HBB: variants seen among roughly 807,000 people sequenced by gnomAD.
The protein encoded by HBB is Hb Monza protein.
Under a neutral mutation model 9.7 loss-of-function variants are expected in HBB, and 18 were observed. That is an observed-to-expected ratio of 1.86 (90% CI 1.28 to 2.76). The LOEUF (loss-of-function observed/expected upper bound fraction) is 2.76, where lower values mean the gene tolerates loss of function less well. HBB is among the 30% of genes most tolerant of loss of function. The pLI is 0.00. For synonymous variants in HBB, 99 were observed against 73.6 expected (o/e 1.35, Z -1.77); for missense variants, 156 against 177.0 (o/e 0.88, Z 0.67).
chr11:5,227,023 G>A lies in HBB; in HGVS notation c.-2C>T. On this transcript the variant is annotated 5_prime_UTR_variant, in exon 1 of 3. Coordinates refer to ENST00000335295, the MANE Select transcript of HBB (RefSeq NM_000518.5). ...CTCCTCAGGAGTCAGATGCACCATGGTGTCTGTTTGAGGTTGCTAGTGAAC... is the reference window on the plus strand; with the variant it reads ...CTCCTCAGGAGTCAGATGCACCATGATGTCTGTTTGAGGTTGCTAGTGAAC... 4 of 1,587,988 alleles carry A rather than the reference G, an allele frequency of 2.5e-6. No homozygotes were observed. Among genetic ancestry groups the A allele is most frequent in the Admixed American group, 1.7e-5 (1 of 60,024 alleles).
In HBB at chr11:5,225,868, T is replaced by C. The variant is rs1461634734; in HGVS notation, c.316-142A>G. ...GCTGCTATTAGCAATATGAAACCTC[T>C]TACATCAGTTACAATTTATATGCAG... On this transcript the variant is annotated intron_variant, in intron 2 of 2. Transcript: ENST00000335295. 9.3e-6 allele frequency: 7 copies of C among 754,590 alleles called. No individual in the cohort carries two copies. Among genetic ancestry groups the C allele is most frequent in the Non-Finnish European group, 1.6e-5 (7 of 439,254 alleles). The allele number at this position is 754,590 out of a possible 1,614,324, so 46.7% of individuals were successfully genotyped here. A position where few individuals can be genotyped will look rare whatever the true frequency, so the allele number is the denominator to read the frequency against.
Position 5,226,378 on chromosome 11 carries a change from CA to C in HBB, c.315+198del, listed in dbSNP as rs1589892087. ...TTGCGGAGAAGAAAAAAAAAGAAAG[CA>C]AGAATTAAACAAAAGAAAACAATTG... On this transcript the variant is annotated intron_variant, in intron 2 of 2. Coordinates refer to ENST00000335295, the MANE Select transcript of HBB (RefSeq NM_000518.5). 1.6e-6 allele frequency: 1 copy of C among 619,072 alleles called. No individual in the cohort carries two copies. The highest frequency in any genetic ancestry group is 2.8e-6 in the Non-Finnish European group (1 of 355,134). The allele number at this position is 619,072 out of a possible 1,614,324, so 38.3% of individuals were successfully genotyped here. A position where few individuals can be genotyped will look rare whatever the true frequency, so the allele number is the denominator to read the frequency against.
chr11:5,226,385 T>C (rs1475015537), intron 2 of HBB, 192 bp downstream of exon 2: 1 of 630,954 alleles, frequency 1.6e-6, no homozygotes, highest in Non-Finnish European at 2.8e-6. Flanking sequence ...AAGCAAGAAT[T>C]AAACAAAAGA....
chr11:5,226,040 CA>C lies in HBB; in HGVS notation c.316-315del, dbSNP rs1337114930. Among the ~76,000 whole-genome samples the C allele has an allele frequency of 6.6e-6, 1 of 151,648 alleles. No homozygotes were observed. Among genetic ancestry groups the C allele is most frequent in the African/African-American group, 2.4e-5 (1 of 41,302 alleles). On this transcript the variant is annotated intron_variant, in intron 2 of 2. Coordinates refer to ENST00000335295, the MANE Select transcript of HBB (RefSeq NM_000518.5). ...GGGAAAGTATTAGAAATAAGATAAA[CA>C]AAAAAGTATATTAAAAGAAGAAAGC...
chr11:5,225,751 G>C lies in HBB; in HGVS notation c.316-25C>G, dbSNP rs745321944. On this transcript the variant is annotated intron_variant, in intron 2 of 2. Coordinates refer to ENST00000335295, the MANE Select transcript of HBB (RefSeq NM_000518.5). ...GCTGTGGGAGGAAGATAAGAGGTAT[G>C]AACATGATTAGCAAAAGGGCCTAGC... The C allele has an allele frequency of 1.2e-5, 20 of 1,613,270 alleles. No individual in the cohort carries two copies. Among genetic ancestry groups the C allele is most frequent in the Non-Finnish European group, 1.7e-5 (20 of 1,179,334 alleles).
At position 5,226,363 on chromosome 11, in the gene HBB, GA is replaced by G. The variant is rs879578966; in HGVS notation, c.315+213del. On this transcript the variant is annotated intron_variant, in intron 2 of 2. Transcript: ENST00000335295. ...GTATAATAGTAAAAATTGCGGAGAAGAAAAAAAAAGAAAGCAAGAATTAAAC... is the reference window on the plus strand; with the variant it reads ...GTATAATAGTAAAAATTGCGGAGAAGAAAAAAAAGAAAGCAAGAATTAAAC... 45 of 598,466 alleles carry G rather than the reference GA, an allele frequency of 7.5e-5. No homozygotes were observed. The highest frequency in any genetic ancestry group is 1.7e-4 in the African/African-American group (9 of 52,336). 37.1% of individuals were successfully genotyped at this position (598,466 alleles called of 1,614,324 possible).
intron 2 of HBB, 99 bp downstream of exon 2, chr11:5,226,478 C>T: frequency 9.2e-7 from 1 of 1,083,628 alleles, no homozygotes; most frequent in South Asian, 1.3e-5. Context: ...GTCTGTTTCC[C>T]ATTCTAAACT....
At position 5,226,488 on chromosome 11, in the gene HBB, T is replaced by A. The variant is rs996887983; in HGVS notation, c.315+89A>T. Reference sequence around the variant, plus strand: ...CATTCGTCTGTTTCCCATTCTAAACTGTACCCTGTTACTTATCCCCTTCCT... The same window carrying A: ...CATTCGTCTGTTTCCCATTCTAAACAGTACCCTGTTACTTATCCCCTTCCT... On this transcript the variant is annotated intron_variant, in intron 2 of 2. Transcript: ENST00000335295. 10 of 1,191,772 alleles carry A rather than the reference T, an allele frequency of 8.4e-6. No homozygotes were observed. The South Asian group carries it at 1.1e-4, about 13-fold the overall frequency. The allele number at this position is 1,191,772 out of a possible 1,614,324, so 73.8% of individuals were successfully genotyped here. A position where few individuals can be genotyped will look rare whatever the true frequency, so the allele number is the denominator to read the frequency against.
intron 2 of HBB, 190 bp downstream of exon 2, chr11:5,226,387 A>G: frequency 1.6e-6 from 1 of 634,158 alleles, no homozygotes; most frequent in Non-Finnish European, 2.7e-6. Context: ...GCAAGAATTA[A>G]ACAAAAGAAA....
At position 5,226,389 on chromosome 11, in the gene HBB, CAAAAG is replaced by C. The variant is rs1200964989; in HGVS notation, c.315+183_315+187del. ...AAAAAAAAAGAAAGCAAGAATTAAA[CAAAAG>C]AAAACAATTGTTATGAACAGCAAAT... is the stretch of plus-strand genomic sequence containing the variant. On this transcript the variant is annotated intron_variant, in intron 2 of 2. Transcript: ENST00000335295. The C allele has an allele frequency of 7.9e-6, 5 of 632,228 alleles. No homozygotes were observed. In the Admixed American group the frequency reaches 8.8e-5, roughly 11 times the overall value. The allele number at this position is 632,228 out of a possible 1,614,324, so 39.2% of individuals were successfully genotyped here. A position where few individuals can be genotyped will look rare whatever the true frequency, so the allele number is the denominator to read the frequency against.
Position 5,225,593 on chromosome 11 carries a change from C to A in HBB, c.*5G>T. 6.2e-7 allele frequency: 1 copy of A among 1,613,992 alleles called. No homozygotes were observed. Among genetic ancestry groups the A allele is most frequent in the Non-Finnish European group, 8.5e-7 (1 of 1,179,904 alleles). On this transcript the variant is annotated 3_prime_UTR_variant, in exon 3 of 3. Coordinates refer to ENST00000335295, the MANE Select transcript of HBB (RefSeq NM_000518.5). ...TAATAGAAATTGGACAGCAAGAAAG[C>A]GAGCTTAGTGATACTTGTGGGCCAG...
intron 2 of HBB, 110 bp from the exon 3 acceptor site, chr11:5,225,836 G>C: frequency 9.4e-7 from 1 of 1,062,324 alleles, no homozygotes; most frequent in South Asian, 1.3e-5. Flanking sequence ...ATGGTAGCTG[G>C]ATTGTAGCTG....
chr11:5,226,515 T>G, intron 2 of HBB, 62 bp downstream of exon 2: 1 of 1,465,064 alleles, frequency 6.8e-7, no homozygotes, highest in South Asian at 1.1e-5. Context: ...CCCCTTCCTA[T>G]GACATGAACT....
In HBB at chr11:5,227,052, G is replaced by T. The variant is rs63750628; in HGVS notation, c.-31C>A. The T allele has an allele frequency of 1.4e-6, 2 of 1,424,292 alleles. No homozygotes were observed. Among genetic ancestry groups the T allele is most frequent in the African/African-American group, 1.4e-5 (1 of 71,074 alleles). 88.2% of individuals were successfully genotyped at this position (1,424,292 alleles called of 1,614,324 possible). On this transcript the variant is annotated 5_prime_UTR_variant, in exon 1 of 3. It adds an upstream start codon to the 5' untranslated region. Transcript: ENST00000335295. ...CTGTTTGAGGTTGCTAGTGAACACA[G>T]TTGTGTCAGAAGCAAATGTAAGCAA...
Position 5,226,845 on chromosome 11 carries a change from A to T in HBB, c.93-46T>A, listed in dbSNP as rs373538213. The T allele has an allele frequency of 1.9e-6, 3 of 1,598,878 alleles. No homozygotes were observed. The highest frequency in any genetic ancestry group is 2.6e-6 in the Non-Finnish European group (3 of 1,166,224). On this transcript the variant is annotated intron_variant, in intron 1 of 2. Transcript: ENST00000335295. The stretch of plus-strand genomic sequence containing the variant: ...CAATAGGCAGAGAGAGTCAGTGCCT[A>T]TCAGAAACCCAAGAGTCTTCTCTGT...
rs1250042245 is a variant in HBB, at chr11:5,226,156, A to G, written c.315+421T>C. The G allele has an allele frequency of 6.6e-6, 2 of 301,684 alleles. No homozygotes were observed. The highest frequency in any genetic ancestry group is 4.3e-5 in the South Asian group (1 of 23,366). The allele number at this position is 301,684 out of a possible 1,614,324, so 18.7% of individuals were successfully genotyped here. A position where few individuals can be genotyped will look rare whatever the true frequency, so the allele number is the denominator to read the frequency against. ...ATTACACTTTAACCCATAAATATGT[A>G]TAATGATTATGTATCAATTAAAAAT... On this transcript the variant is annotated intron_variant, in intron 2 of 2. Coordinates refer to ENST00000335295, the MANE Select transcript of HBB (RefSeq NM_000518.5).
In HBB at chr11:5,226,458, G is replaced by T; in HGVS notation, c.315+119C>A. On this transcript the variant is annotated intron_variant, in intron 2 of 2. Coordinates refer to ENST00000335295, the MANE Select transcript of HBB (RefSeq NM_000518.5). ...ACGATCCTGAGACTTCCACACTGAT[G>T]CAATCATTCGTCTGTTTCCCATTCT... The T allele has an allele frequency of 1.1e-6, 1 of 879,406 alleles. No individual in the cohort carries two copies. The highest frequency in any genetic ancestry group is 1.9e-6 in the Non-Finnish European group (1 of 528,702). 54.5% of individuals were successfully genotyped at this position (879,406 alleles called of 1,614,324 possible).
At position 5,226,267 on chromosome 11, in the gene HBB, A is replaced by T. The variant is rs1246447924; in HGVS notation, c.315+310T>A. On this transcript the variant is annotated intron_variant, in intron 2 of 2. Coordinates refer to ENST00000335295, the MANE Select transcript of HBB (RefSeq NM_000518.5). Reference sequence around the variant, plus strand: ...GTAATGTACTAGGCAGACTGTGTAAAGTTTTTTTTTAAGTTACTTAATGTA... The same window carrying T: ...GTAATGTACTAGGCAGACTGTGTAATGTTTTTTTTTAAGTTACTTAATGTA... 3 of 531,730 alleles carry T rather than the reference A, an allele frequency of 5.6e-6. No homozygotes were observed. 32.9% of individuals were successfully genotyped at this position (531,730 alleles called of 1,614,324 possible). A position where few individuals can be genotyped will look rare whatever the true frequency, so the allele number is the denominator to read the frequency against.
chr11:5,225,880 C>A lies in HBB; in HGVS notation c.316-154G>T, dbSNP rs1847536198. 6.6e-6 allele frequency among the ~76,000 whole-genome samples: 1 copy of A among 152,166 alleles called. No individual in the cohort carries two copies. The highest frequency in any genetic ancestry group is 1.5e-5 in the Non-Finnish European group (1 of 68,028). ...AATATGAAACCTCTTACATCAGTTA[C>A]AATTTATATGCAGAAATATTTATAT... is the stretch of plus-strand genomic sequence containing the variant. On this transcript the variant is annotated intron_variant, in intron 2 of 2. Transcript: ENST00000335295.
Sources: allele counts gnomAD v4.1 joint callset (sites outside exome capture counted in the v4.1 genomes callset), GRCh38; gene constraint gnomAD v4.1.1; transcripts MANE v1.5; gene names NCBI Gene and HGNC (gene_info 2026-07-23, HGNC 2026-07-21).